Variants in GRTP1 observed in about 807,000 individuals in gnomAD.
GRTP1 encodes the protein growth hormone-regulated TBC protein 1.
In GRTP1, 56 loss-of-function variants were observed where a neutral mutation model predicts 38.1. The observed-to-expected ratio is 1.47, with a 90% CI of 1.19 to 1.84. GRTP1 has a LOEUF of 1.84. Among genes scored for constraint, GRTP1 ranks in the 40% most tolerant of loss-of-function variants. The pLI is 0.00. For synonymous variants in GRTP1, 217 were observed against 189.5 expected, an observed-to-expected ratio of 1.14 and a Z score of -1.19; for missense variants, 506 against 453.9, an observed-to-expected ratio of 1.11 and a Z score of -1.04.
At chr13:113,338,378 G>A (rs1418999054) in intron 5 of GRTP1, among the ~76,000 whole-genome samples, 1 of 152,188 alleles carries the variant, frequency 6.6e-6, no homozygotes, top group Non-Finnish European at 1.5e-5. Context: ...ACTGAATTGG[G>A]ATTAGAGGCA....
intron 5 of GRTP1, among the ~76,000 whole-genome samples, chr13:113,337,018 G>A (rs1484132421): frequency 1.3e-5 from 2 of 152,222 alleles, no homozygotes; most frequent in African/African-American, 2.4e-5. Context: ...CTGAGGCCAG[G>A]CGTGGTGGCT....
Position 113,324,558 on chromosome 13 carries a change from C to A in GRTP1, c.941G>T (p.Gly314Val). ...TFMQKIFSEP[G>V]SLSMATVAKL... ...GGCGACGGTGGCCATGGATAAGCTT[C>A]CAGGTTCTGAAAATATTTTCTGGAA... The change falls in exon 8 of 8, where the codon GGA (glycine) becomes GTA (valine). Residue 314 changes from glycine to valine, a missense_variant. By Grantham distance (109) the Gly-to-Val change is moderately radical. Coordinates refer to ENST00000375431, the MANE Select transcript of GRTP1 (RefSeq NM_024719.4). 2 of 1,610,184 alleles carry A rather than the reference C, an allele frequency of 1.2e-6. No homozygotes were observed. The highest frequency in any genetic ancestry group is 2.2e-5 in the South Asian group (2 of 90,078).
rs71101567 is a variant in GRTP1 at position 113,332,367 on chromosome 13, ACG to A, written c.563-6278_563-6277del. 4.6e-3 allele frequency among the ~76,000 whole-genome samples: 627 copies of A among 135,800 alleles called. 11 individuals carry two copies. Among genetic ancestry groups the A allele is most frequent in the African/African-American group, 0.016 (498 of 31,208 alleles). The allele number at this position is 135,800 out of a possible 152,430, so 89.1% of individuals were successfully genotyped here. A position where few individuals can be genotyped will look rare whatever the true frequency, so the allele number is the denominator to read the frequency against. On this transcript the variant is annotated intron_variant, in intron 5 of 7. Coordinates refer to ENST00000375431, the MANE Select transcript of GRTP1 (RefSeq NM_024719.4). The stretch of plus-strand genomic sequence containing the variant: ...GCCACACACAGGTACACACGTGCAC[ACG>A]CACACCACACACGCACACGCACGCC...
intron 2 of GRTP1, among the ~76,000 whole-genome samples, chr13:113,356,133 TAAC>T (rs2043381172): frequency 6.6e-6 from 1 of 152,222 alleles, no homozygotes; most frequent in African/African-American, 2.4e-5. Flanking sequence ...TATGTATGGC[TAAC>T]ATCTGAATTA....
chr13:113,324,952 G>C (rs991806847), intron 7 of GRTP1: 6 of 535,306 alleles, frequency 1.1e-5, no homozygotes, highest in South Asian at 5.7e-5. Context: ...TCAGCCTCCC[G>C]AGTAACTGGG....
chr13:113,333,189 C>T (rs1566417966), intron 5 of GRTP1, among the ~76,000 whole-genome samples: 2 of 152,210 alleles, frequency 1.3e-5, no homozygotes, highest in Non-Finnish European at 2.9e-5. Context: ...TTGGCTTACC[C>T]AAGTGCTTGG....
chr13:113,331,858 T>C (rs2042876016), intron 5 of GRTP1, among the ~76,000 whole-genome samples: 1 of 151,062 alleles, frequency 6.6e-6, no homozygotes, highest in Non-Finnish European at 1.5e-5. Flanking sequence ...GGTTTCATCA[T>C]GTTGGCCAGG....
Position 113,355,145 on chromosome 13 carries a change from C to T in GRTP1, c.340+178G>A, listed in dbSNP as rs1448662582. On this transcript the variant is annotated intron_variant, in intron 3 of 7. Transcript: ENST00000375431. ...GAATATCTGCTGAGTGAATTACGAT[C>T]ATTGTTCTCCCCTTGCAAAGGCTTC... 4 of 626,636 alleles carry T rather than the reference C, an allele frequency of 6.4e-6. No individual in the cohort carries two copies. In the Admixed American group the frequency reaches 8.3e-5, roughly 13 times the overall value. The allele number at this position is 626,636 out of a possible 1,614,324, so 38.8% of individuals were successfully genotyped here.
At position 113,346,488 on chromosome 13, in the gene GRTP1, CTG is replaced by C. The variant is rs1242267375; in HGVS notation, c.466-1531_466-1530del. On this transcript the variant is annotated intron_variant, in intron 4 of 7. Transcript: ENST00000375431. ...AGCAGACCCGGGAGGACCTCTGTGCCTGACAGTGGACCCGGGAGGACCTCTGT... is the reference window on the plus strand; with the variant it reads ...AGCAGACCCGGGAGGACCTCTGTGCCACAGTGGACCCGGGAGGACCTCTGT... Among the ~76,000 whole-genome samples, 43 of 9,920 alleles carry C rather than the reference CTG, an allele frequency of 4.3e-3. 2 individuals are homozygous for C. Among genetic ancestry groups the C allele is most frequent in the African/African-American group, 4.7e-3 (42 of 8,922 alleles). The allele number at this position is 9,920 out of a possible 152,430, so 6.5% of individuals were successfully genotyped here. A position where few individuals can be genotyped will look rare whatever the true frequency, so the allele number is the denominator to read the frequency against.
rs974193200 is a variant in GRTP1, at chr13:113,349,245, G to A, written c.465+1604C>T. 1.6e-4 allele frequency among the ~76,000 whole-genome samples: 25 copies of A among 151,780 alleles called. No homozygotes were observed. Among genetic ancestry groups the A allele is most frequent in the African/African-American group, 5.8e-4 (24 of 41,278 alleles). ...GCTCTGTTGCCCAGGCTGGAGTGTA[G>A]TGGTGCCAACATGGCTCACTGCAGG... On this transcript the variant is annotated intron_variant, in intron 4 of 7. Transcript: ENST00000375431. The surrounding 1 kb of genome is among the most constrained non-coding windows in gnomAD (Gnocchi z 5.0).
chr13:113,363,993 G>C, intron 1 of GRTP1, 27 bp downstream of exon 1: 1 of 1,495,052 alleles, frequency 6.7e-7, no homozygotes, highest in Admixed American at 2.3e-5. Context: ...GCAGCCGCCG[G>C]GGACGCCCGC....
At chr13:113,334,857 C>T (rs562728073) in intron 5 of GRTP1, among the ~76,000 whole-genome samples, 10 of 152,264 alleles carry the variant, frequency 6.6e-5, no homozygotes, top group East Asian at 3.9e-4. Flanking sequence ...CTTGCTCTGT[C>T]GCCCAGGCTG....
chr13:113,346,223 T>TCCGGGAGGACCTCTGTGGCC (rs2043123789), intron 4 of GRTP1, among the ~76,000 whole-genome samples: 1 of 13,086 alleles, frequency 7.6e-5, no homozygotes, highest in African/African-American at 2.8e-4. Context: ...CCTCTGTGGC[T>TCCGGGAGGACCTCTGTGGCC]GAGAACAGAC....
At chr13:113,352,727 A>T (rs915116664) in intron 3 of GRTP1, among the ~76,000 whole-genome samples, 1 of 152,180 alleles carries the variant, frequency 6.6e-6, no homozygotes, top group African/African-American at 2.4e-5. Context: ...CTCCATCTCC[A>T]TTGTGGAGAC....
chr13:113,363,139 G>T (rs1412650737), intron 2 of GRTP1, among the ~76,000 whole-genome samples: 4 of 152,212 alleles, frequency 2.6e-5, no homozygotes, highest in Non-Finnish European at 5.9e-5. Flanking sequence ...GCGGGCGGGC[G>T]GTCAGGCCGG....
At chr13:113,350,284 G>A (rs2043237523) in intron 4 of GRTP1, among the ~76,000 whole-genome samples, 1 of 152,102 alleles carries the variant, frequency 6.6e-6, no homozygotes, top group South Asian at 2.1e-4. Context: ...TGGCCTCCGG[G>A]AGGCGCAAGG....
In GRTP1 at chr13:113,343,362, C is replaced by T. The variant is rs1246779665; in HGVS notation, c.562+1501G>A. ...CTGCACTGGGTCCCTGGGCCCCAGC[C>T]GGGTCAACAGCTCTTCCCACTCCCG... On this transcript the variant is annotated intron_variant, in intron 5 of 7. Coordinates refer to ENST00000375431, the MANE Select transcript of GRTP1 (RefSeq NM_024719.4). The surrounding 1 kb of genome is among the most constrained non-coding windows in gnomAD (Gnocchi z 4.8). 6.6e-6 allele frequency among the ~76,000 whole-genome samples: 1 copy of T among 152,154 alleles called. No individual in the cohort carries two copies. The highest frequency in any genetic ancestry group is 1.5e-5 in the Non-Finnish European group (1 of 68,036).
At position 113,324,387 on chromosome 13, in the gene GRTP1, T is replaced by G. The variant is rs144507363; in HGVS notation, c.*101A>C. The G allele has an allele frequency of 1.9e-5, 26 of 1,404,424 alleles. No individual in the cohort carries two copies. The African/African-American group carries it at 3.5e-4, about 19-fold the overall frequency. 87.0% of individuals were successfully genotyped at this position (1,404,424 alleles called of 1,614,324 possible). The stretch of plus-strand genomic sequence containing the variant: ...AACTAAAGTGTAGTGATGTCAAGTA[T>G]TTACAACACTAAAAAGGAAAGCAGT... On this transcript the variant is annotated 3_prime_UTR_variant, in exon 8 of 8. Coordinates refer to ENST00000375431, the MANE Select transcript of GRTP1 (RefSeq NM_024719.4).
At chr13:113,357,091 C>T (rs61966629) in intron 2 of GRTP1, among the ~76,000 whole-genome samples, 40,404 of 138,548 alleles carry the variant, frequency 0.29, 5,711 homozygotes, top group East Asian at 0.51. Flanking sequence ...GTGGGCAGAT[C>T]ACGAGGTCAA....
Sources: gnomAD v4.1 joint callset for allele counts (sites outside exome capture counted in the v4.1 genomes callset) on GRCh38, gnomAD v4.1.1 for gene constraint, Gnocchi (gnomAD v3.1) non-coding constraint, MANE v1.5 for transcripts, NCBI Gene and HGNC (gene_info 2026-07-23, HGNC 2026-07-21) for gene names.